Variants in WNT3 observed in about 807,000 individuals in gnomAD.
WNT3 encodes the protein proto-oncogene Wnt-3.
WNT3 carries 7 observed loss-of-function variants against 34.2 expected under a neutral mutation model. The ratio of observed to expected loss-of-function variants is 0.20; its 90% CI spans 0.12 to 0.38. The LOEUF (loss-of-function observed/expected upper bound fraction) is 0.38. Among genes scored for constraint, WNT3 ranks in the 10% least tolerant of loss-of-function variants. WNT3 has a pLI of 1.00. For missense variants in WNT3, 267 were observed against 499.8 expected (o/e 0.53, Z 4.44); for synonymous variants, 212 against 211.5 (o/e 1.00, Z -0.02).
At chr17:46,773,963 C>G (rs1230106386) in intron 1 of WNT3, 54 bp from the exon 2 acceptor site, 6 of 1,589,552 alleles carry the variant, frequency 3.8e-6, no homozygotes, top group Non-Finnish European at 5.1e-6. Context: ...AGAGCCCATC[C>G]TGGGCACCAT....
chr17:46,785,544 T>C (rs1363246286), intron 1 of WNT3, among the ~76,000 whole-genome samples: 1 of 152,192 alleles, frequency 6.6e-6, no homozygotes, highest in Non-Finnish European at 1.5e-5. Context: ...GCTGGCCAAA[T>C]GACCACTTCT....
intron 2 of WNT3, among the ~76,000 whole-genome samples, chr17:46,771,872 T>G (rs1297184608): frequency 7.1e-6 from 1 of 140,222 alleles, no homozygotes; most frequent in East Asian, 2.2e-4. Context: ...CCCAGGCCCC[T>G]CCGGCGCCCG....
chr17:46,814,733 G>A (rs2084319415), intron 1 of WNT3, among the ~76,000 whole-genome samples: 2 of 152,188 alleles, frequency 1.3e-5, no homozygotes, highest in African/African-American at 2.4e-5. Context: ...CAGTCTCCAG[G>A]TGCCTCCCTG....
intron 1 of WNT3, among the ~76,000 whole-genome samples, chr17:46,783,469 C>A (rs2059478827): frequency 6.6e-6 from 1 of 152,186 alleles, no homozygotes; most frequent in Non-Finnish European, 1.5e-5. Flanking sequence ...ATTAATGAAG[C>A]CACACCTGAG....
At chr17:46,767,770 TTTG>T (rs2059326404) in intron 4 of WNT3, among the ~76,000 whole-genome samples, 1 of 151,604 alleles carries the variant, frequency 6.6e-6, no homozygotes, top group Admixed American at 6.6e-5. Context: ...CACACTGAAT[TTTG>T]TTTTTTTTTG....
intron 1 of WNT3, among the ~76,000 whole-genome samples, chr17:46,777,979 A>C (rs1168365870): frequency 6.6e-6 from 1 of 152,184 alleles, no homozygotes; most frequent in Non-Finnish European, 1.5e-5. Context: ...ACCACTTCCT[A>C]GCTGCTGATC....
chr17:46,773,881 A>T lies in WNT3; in HGVS notation c.109T>A (p.Ser37Thr). 1 of 1,612,316 alleles carries T rather than the reference A, an allele frequency of 6.2e-7. No homozygotes were observed. The change falls in exon 2 of 5, where the codon TCT becomes ACT. Residue 37 changes from serine to threonine, a missense_variant. Ser to Thr is a moderately conservative substitution (Grantham distance 58, BLOSUM62 1). Transcript: ENST00000225512. Reference protein sequence around the residue: ...WSLALGQQYTSLGSQPLLCGS... With the variant: ...WSLALGQQYTTLGSQPLLCGS... ...CAGAGCAGGGGCTGTGAGCCCAGAG[A>T]TGTGTACTGCTGGCCCAGGGCCAGG...
Position 46,768,113 on chromosome 17 carries a change from G to C in WNT3, c.*8+199C>G, listed in dbSNP as rs892121705. 5.9e-5 allele frequency among the ~76,000 whole-genome samples: 9 copies of C among 152,176 alleles called. No homozygotes were observed. The highest frequency in any genetic ancestry group is 2.2e-4 in the African/African-American group (9 of 41,444). Reference sequence around the variant, plus strand: ...AACACTGGGTTTTTATCTGTGCTTTGTGCAATCCACCAAGTCTCTGCCCAA... The same window carrying C: ...AACACTGGGTTTTTATCTGTGCTTTCTGCAATCCACCAAGTCTCTGCCCAA... On this transcript the variant is annotated intron_variant, in intron 4 of 4. Transcript: ENST00000225512. This position sits in a 1 kb window ranked among gnomAD's most constrained non-coding sequence, Gnocchi z 5.0.
chr17:46,802,175 T>C (rs1246392543), intron 1 of WNT3, among the ~76,000 whole-genome samples: 3 of 152,228 alleles, frequency 2.0e-5, no homozygotes, highest in Non-Finnish European at 4.4e-5. Flanking sequence ...GCTAATGAGC[T>C]GACGGAAGAG....
intron 1 of WNT3, among the ~76,000 whole-genome samples, chr17:46,775,008 T>G (rs2059402417): frequency 6.6e-6 from 1 of 152,162 alleles, no homozygotes; most frequent in South Asian, 2.1e-4. Flanking sequence ...TAAGTCAAGT[T>G]TCCCACAAAA....
chr17:46,780,076 A>G (rs1443250886), intron 1 of WNT3, among the ~76,000 whole-genome samples: 1 of 152,166 alleles, frequency 6.6e-6, no homozygotes, highest in Non-Finnish European at 1.5e-5. Flanking sequence ...ATTTTTAGAG[A>G]ACATTTTTAA....
At chr17:46,771,867 G>A (rs2059375761) in intron 2 of WNT3, among the ~76,000 whole-genome samples, 1 of 144,424 alleles carries the variant, frequency 6.9e-6, no homozygotes, top group African/African-American at 2.5e-5. Flanking sequence ...GGCCGCCCAG[G>A]CCCCTCCGGC....
chr17:46,773,619 T>TG, intron 2 of WNT3, 49 bp downstream of exon 2: 1 of 549,848 alleles, frequency 1.8e-6, no homozygotes, highest in Non-Finnish European at 3.2e-6. Flanking sequence ...ACAGTCCTGA[T>TG]CCCTCCCCCC....
At position 46,768,539 on chromosome 17, in the gene WNT3, A is replaced by G; in HGVS notation, c.849T>C (p.Phe283=). 1.1e-5 allele frequency: 17 copies of G among 1,614,090 alleles called. No individual in the cohort carries two copies. The highest frequency in any genetic ancestry group is 1.4e-5 in the Non-Finnish European group (16 of 1,180,022). The change falls in exon 4 of 5, where the codon TTT becomes TTC. Residue 283 remains phenylalanine, a synonymous_variant. Transcript: ENST00000225512. This position sits in a 1 kb window ranked among gnomAD's most constrained non-coding sequence, Gnocchi z 5.0. The part of the protein sequence containing the change: ...DLVYYENSPN[F]CEPNPETGSF... Reference sequence around the variant, plus strand: ...AACCCGTCTCTGGGTTGGGCTCACAAAAGTTGGGGGAGTTCTCGTAGTAGA... The same window carrying G: ...AACCCGTCTCTGGGTTGGGCTCACAGAAGTTGGGGGAGTTCTCGTAGTAGA...
Position 46,773,661 on chromosome 17 carries a change from G to A in WNT3, c.322+7C>T, listed in dbSNP as rs752573515. 1 of 1,452,920 alleles carries A rather than the reference G, an allele frequency of 6.9e-7. No individual in the cohort carries two copies. The highest frequency in any genetic ancestry group is 9.4e-7 in the Non-Finnish European group (1 of 1,065,054). The allele number at this position is 1,452,920 out of a possible 1,614,324, so 90.0% of individuals were successfully genotyped here. On this transcript the variant is annotated splice_region_variant and intron_variant, in intron 2 of 4. Transcript: ENST00000225512. ...CCCCTCCCCCCCCCTCAGCCCCAAGGCAGTACCTTTGTCGAGGACGGGCCC... is the reference window on the plus strand; with the variant it reads ...CCCCTCCCCCCCCCTCAGCCCCAAGACAGTACCTTTGTCGAGGACGGGCCC...
chr17:46,766,663 C>CCTGCTA (rs1048720099), intron 4 of WNT3, among the ~76,000 whole-genome samples: 11 of 152,240 alleles, frequency 7.2e-5, no homozygotes, highest in African/African-American at 2.6e-4. Context: ...GTGAGTCGCC[C>CCTGCTA]CTCAGCCAGA....
intron 1 of WNT3, among the ~76,000 whole-genome samples, chr17:46,811,906 A>G (rs191464255): frequency 6.6e-6 from 1 of 152,246 alleles, no homozygotes; most frequent in East Asian, 1.9e-4. Flanking sequence ...GCAGTGAGCC[A>G]AGATTGTGCC....
chr17:46,776,385 T>C (rs2146390913), intron 1 of WNT3, among the ~76,000 whole-genome samples: 1 of 152,364 alleles, frequency 6.6e-6, no homozygotes, highest in East Asian at 1.9e-4. Flanking sequence ...CTGTGGTTTA[T>C]TATGGGCCTA....
In WNT3 at chr17:46,769,832, G is replaced by A. The variant is rs1346223556; in HGVS notation, c.539C>T (p.Pro180Leu). ...REFADARENRPDARSAMNKHN... is the reference protein window; with the variant it reads ...REFADARENRLDARSAMNKHN... ...CTTGTTCATGGCCGAGCGCGCGTCC[G>A]GCCTGTTCTCGCGCGCATCCGCGAA... Residue 180 changes from proline to leucine, a missense_variant, in exon 3 of 5, where the codon CCG becomes CTG. By Grantham distance (98) the Pro-to-Leu change is moderately conservative (BLOSUM62 -3). This residue lies in a region of WNT3 where 181 missense variants were observed against 391.3 expected (regional missense o/e 0.46). Transcript: ENST00000225512. 3 of 1,613,180 alleles carry A rather than the reference G, an allele frequency of 1.9e-6. No individual in the cohort carries two copies. Among genetic ancestry groups the A allele is most frequent in the African/African-American group, 1.3e-5 (1 of 75,050 alleles).
Sources: allele counts gnomAD v4.1 joint callset (sites outside exome capture counted in the v4.1 genomes callset), GRCh38; gene constraint gnomAD v4.1.1; regional missense constraint gnomAD v4.1.1; non-coding constraint Gnocchi (gnomAD v3.1); transcripts MANE v1.5; gene names NCBI Gene and HGNC (gene_info 2026-07-23, HGNC 2026-07-21).